Variants in MAF observed in about 807,000 individuals in gnomAD.
MAF encodes the protein transcription factor Maf.
In MAF, 10 loss-of-function variants were observed where a neutral mutation model predicts 22.0. The observed-to-expected ratio is 0.45, with a 90% CI of 0.28 to 0.77. The LOEUF (loss-of-function observed/expected upper bound fraction) is 0.77, where lower values mean the gene tolerates loss of function less well. MAF is among the 30% of genes least tolerant of loss of function. The pLI, the probability that MAF is intolerant of heterozygous loss-of-function variation, is 0.12. For missense variants in MAF, 544 were observed against 548.4 expected (o/e 0.99, Z 0.08); for synonymous variants, 337 against 255.8 (o/e 1.32, Z -3.03).
chr16:79,506,267 C>T, the MAF span, among the ~76,000 whole-genome samples: 1 of 152,206 alleles, frequency 6.6e-6, no homozygotes, highest in Admixed American at 6.5e-5. Flanking sequence ...TGGATGCCTT[C>T]TGTAGCCTCA....
At chr16:79,564,672 G>T in the MAF span, among the ~76,000 whole-genome samples, 3 of 152,200 alleles carry the variant, frequency 2.0e-5, no homozygotes, top group South Asian at 6.2e-4. Flanking sequence ...GTTAATGAAA[G>T]TCAGGATTTT....
the MAF span, among the ~76,000 whole-genome samples, chr16:79,580,412 C>CA: frequency 6.6e-6 from 1 of 152,194 alleles, no homozygotes; most frequent in Non-Finnish European, 1.5e-5. Context: ...TAGGACACAT[C>CA]AATGAACAAC....
At chr16:79,547,426 T>C in the MAF span, among the ~76,000 whole-genome samples, 1 of 152,048 alleles carries the variant, frequency 6.6e-6, no homozygotes, top group African/African-American at 2.4e-5. Flanking sequence ...AATTGAAAGA[T>C]CATTTGAATG....
the MAF span, among the ~76,000 whole-genome samples, chr16:79,557,920 GA>G: frequency 6.6e-6 from 1 of 151,994 alleles, no homozygotes; most frequent in African/African-American, 2.4e-5. Context: ...AAGGACTCCT[GA>G]GGGAAGTGAC....
chr16:79,577,530 G>A, the MAF span, among the ~76,000 whole-genome samples: 3 of 152,090 alleles, frequency 2.0e-5, no homozygotes, highest in African/African-American at 4.8e-5. Flanking sequence ...GGAGACACTC[G>A]GTGCATGGTA....
At chr16:79,439,147 A>C in the MAF span, among the ~76,000 whole-genome samples, 1 of 151,860 alleles carries the variant, frequency 6.6e-6, no homozygotes, top group Admixed American at 6.6e-5. Context: ...GCGTTCATTC[A>C]TCGTTCATTT....
chr16:79,299,489 G>A, the MAF span, among the ~76,000 whole-genome samples: 21 of 152,274 alleles, frequency 1.4e-4, no homozygotes, highest in Admixed American at 7.2e-4. Flanking sequence ...GCAGACAAGC[G>A]GGTGGCCGGA....
the MAF span, among the ~76,000 whole-genome samples, chr16:79,237,693 G>A: frequency 7.2e-5 from 11 of 152,232 alleles, no homozygotes; most frequent in East Asian, 9.7e-4. Context: ...CACTGTTGGC[G>A]TTTGGGGCTG....
the MAF span, among the ~76,000 whole-genome samples, chr16:79,260,282 C>T: frequency 6.6e-6 from 1 of 152,228 alleles, no homozygotes; most frequent in South Asian, 2.1e-4. Flanking sequence ...TCCTGAGCAG[C>T]TGGGATGAAA....
chr16:79,264,065 C>T, the MAF span, among the ~76,000 whole-genome samples: 1 of 152,114 alleles, frequency 6.6e-6, no homozygotes, highest in African/African-American at 2.4e-5. Flanking sequence ...GGAGAAGACT[C>T]CAGGGGAATG....
the MAF span, among the ~76,000 whole-genome samples, chr16:79,402,065 G>A: frequency 6.6e-6 from 1 of 152,152 alleles, no homozygotes; most frequent in South Asian, 2.1e-4. Flanking sequence ...GGGATCAGAA[G>A]AATGGGAGGT....
the MAF span, among the ~76,000 whole-genome samples, chr16:79,442,764 A>G: frequency 6.6e-6 from 1 of 152,230 alleles, no homozygotes; most frequent in African/African-American, 2.4e-5. Context: ...GTGGCTGAAG[A>G]GAGGCCTTGG....
At chr16:79,232,404 A>G in the MAF span, among the ~76,000 whole-genome samples, 1 of 152,068 alleles carries the variant, frequency 6.6e-6, no homozygotes, top group African/African-American at 2.4e-5. Flanking sequence ...ACTTTTGGTA[A>G]CACCTGCAGC....
At chr16:79,462,073 G>A in the MAF span, among the ~76,000 whole-genome samples, 11 of 152,020 alleles carry the variant, frequency 7.2e-5, no homozygotes, top group Admixed American at 2.0e-4. Flanking sequence ...TGTTTTCCCC[G>A]CCTCCCCTCG....
chr16:79,301,061 A>G, the MAF span, among the ~76,000 whole-genome samples: 1 of 152,082 alleles, frequency 6.6e-6, no homozygotes, highest in Admixed American at 6.6e-5. Flanking sequence ...AACACACACA[A>G]AACCGAAAAC....
At chr16:79,266,760 C>T in the MAF span, among the ~76,000 whole-genome samples, 1,697 of 152,266 alleles carry the variant, frequency 0.011, 40 homozygotes, top group African/African-American at 0.039. Flanking sequence ...TGAGCAACTA[C>T]TATGTGAGAC....
downstream of MAF, among the ~76,000 whole-genome samples, chr16:79,581,581 C>T (rs910304016): frequency 6.6e-6 from 1 of 152,146 alleles, no homozygotes; most frequent in African/African-American, 2.4e-5. Flanking sequence ...CAATTCAATT[C>T]TCACCTCTAC....
At chr16:79,474,573 C>G in the MAF span, among the ~76,000 whole-genome samples, 13 of 152,290 alleles carry the variant, frequency 8.5e-5, no homozygotes, top group African/African-American at 3.1e-4. Context: ...GGCTAGGAGA[C>G]GTGCAGGGAG....
At chr16:79,526,872 G>T in the MAF span, among the ~76,000 whole-genome samples, 19 of 152,326 alleles carry the variant, frequency 1.2e-4, no homozygotes, top group South Asian at 3.9e-3. Flanking sequence ...GTAGAAGGTA[G>T]TAAAATAACT....
Sources: allele counts gnomAD v4.1 joint callset (sites outside exome capture counted in the v4.1 genomes callset), GRCh38; gene constraint gnomAD v4.1.1; transcripts MANE v1.5; gene names NCBI Gene and HGNC (gene_info 2026-07-23, HGNC 2026-07-21).